GLI2: variants seen among roughly 807,000 people sequenced by gnomAD.
GLI2 encodes transcription activator GLI2.
GLI2 carries 22 observed loss-of-function variants against 78.9 expected under a neutral mutation model. The observed-to-expected ratio is 0.28, with a 90% CI of 0.20 to 0.40. The LOEUF (loss-of-function observed/expected upper bound fraction) is 0.40. GLI2 is among the 10% of genes least tolerant of loss of function. The probability of loss-of-function intolerance (pLI) is 1.00; values close to 1 mark genes in which losing one functional copy is unlikely to be tolerated. For synonymous variants in GLI2, 974 were observed against 963.7 expected, an observed-to-expected ratio of 1.01 and a Z score of -0.20; for missense variants, 2,097 against 2,213.2, an observed-to-expected ratio of 0.95 and a Z score of 1.05.
chr2:120,929,784 G>A (rs1679864361), intron 3 of GLI2, among the ~76,000 whole-genome samples: 1 of 152,208 alleles, frequency 6.6e-6, no homozygotes, highest in South Asian at 2.1e-4. Context: ...TGCCTGGTGG[G>A]TGTTGGAGTC....
At chr2:120,948,990 C>G (rs1680852591) in intron 3 of GLI2, among the ~76,000 whole-genome samples, 1 of 152,140 alleles carries the variant, frequency 6.6e-6, no homozygotes, top group South Asian at 2.1e-4. Context: ...CCTTCCAGAA[C>G]TTGTATCCTT....
At chr2:120,898,103 T>G (rs1678066744) in intron 2 of GLI2, among the ~76,000 whole-genome samples, 2 of 151,118 alleles carry the variant, frequency 1.3e-5, no homozygotes, top group African/African-American at 4.9e-5. Flanking sequence ...TTTTGTGGAG[T>G]GGTTTCCATC....
rs1682342011 is a variant in GLI2 at position 120,736,083 on chromosome 2, C to T, written c.-233C>T. 6.6e-6 allele frequency among the ~76,000 whole-genome samples: 1 copy of T among 150,694 alleles called. No homozygotes were observed. The highest frequency in any genetic ancestry group is 2.1e-4 in the South Asian group (1 of 4,754). ...GCAGCCTCGGGGAGCCGCCTGCTCG[C>T]CGGCGGTAGGGGCTGCGCGGCGCCC... On this transcript the variant is annotated 5_prime_UTR_variant, in exon 1 of 14. Coordinates refer to ENST00000361492, the MANE Select transcript of GLI2 (RefSeq NM_001374353.1).
In GLI2 at chr2:120,854,608, G is replaced by A. The variant is rs542990675; in HGVS notation, c.148+57140G>A. Among the ~76,000 whole-genome samples the A allele has an allele frequency of 9.8e-5, 15 of 152,308 alleles. No individual in the cohort carries two copies. The South Asian group carries it at 1.0e-3, about 11-fold the overall frequency. The stretch of plus-strand genomic sequence containing the variant: ...GTCACCCATTATATTTGGTCTCCAC[G>A]ATGTGTATGTTCTGAGGTTTTCTGC... On this transcript the variant is annotated intron_variant, in intron 2 of 13. Coordinates refer to ENST00000361492, the MANE Select transcript of GLI2 (RefSeq NM_001374353.1).
Position 120,989,822 on chromosome 2 carries a change from G to A in GLI2, c.3857G>A (p.Gly1286Glu). ...TTMGNRHREL[G>E]VPDSALAGVP... ...ATGGGCAATCGCCACAGGGAACTTG[G>A]GGTCCCCGATTCAGCCCTGGCTGGA... is the stretch of plus-strand genomic sequence containing the variant. The change falls in exon 14 of 14, where the codon GGG (glycine) becomes GAG (glutamate). Residue 1286 changes from glycine (G) to glutamate (E), a missense_variant. By Grantham distance (98) the Gly-to-Glu change is moderately conservative. This residue lies in a region of GLI2 where 1,290 missense variants were observed against 1,261.7 expected (regional missense o/e 1.02). Coordinates refer to ENST00000361492, the MANE Select transcript of GLI2 (RefSeq NM_001374353.1). 1 of 1,611,792 alleles carries A rather than the reference G, an allele frequency of 6.2e-7. No homozygotes were observed. Among genetic ancestry groups the A allele is most frequent in the Middle Eastern group, 1.6e-4 (1 of 6,062 alleles).
intron 3 of GLI2, among the ~76,000 whole-genome samples, chr2:120,951,006 G>C (rs1680954472): frequency 6.6e-6 from 1 of 152,252 alleles, no homozygotes; most frequent in Non-Finnish European, 1.5e-5. Context: ...GCGTGGAACT[G>C]GCCGGCGGGT....
At chr2:120,923,272 ATACAT>A (rs1679480676) in intron 2 of GLI2, among the ~76,000 whole-genome samples, 1 of 83,252 alleles carries the variant, frequency 1.2e-5, no homozygotes, top group Admixed American at 1.3e-4. Flanking sequence ...ACACAGCAAC[ATACAT>A]GTACAACACA....
In GLI2 at chr2:120,886,209, TGC is replaced by T. The variant is rs1233592952; in HGVS notation, c.149-41150_149-41149del. On this transcript the variant is annotated intron_variant, in intron 2 of 13. Transcript: ENST00000361492. ...GTGTGTGTGTGTGTGTGTGTGTGTG[TGC>T]GTGTATATTTTGGTTTTGGGTTTTT... 2.2e-3 allele frequency among the ~76,000 whole-genome samples: 73 copies of T among 32,636 alleles called. 2 individuals are homozygous for T. The African/African-American group carries it at 0.04, about 18-fold the overall frequency. The allele number at this position is 32,636 out of a possible 152,430, so 21.4% of individuals were successfully genotyped here.
At chr2:120,920,579 G>A (rs772133557) in intron 2 of GLI2, among the ~76,000 whole-genome samples, 2 of 152,286 alleles carry the variant, frequency 1.3e-5, no homozygotes, top group Admixed American at 6.5e-5. Flanking sequence ...CCCTGGGACC[G>A]CCAGCAAGAA....
At chr2:120,766,137 A>G (rs1683359235) in intron 1 of GLI2, among the ~76,000 whole-genome samples, 1 of 152,098 alleles carries the variant, frequency 6.6e-6, no homozygotes, top group Non-Finnish European at 1.5e-5. Context: ...TGGGGCTGGG[A>G]TGAGTTATCC....
At chr2:120,797,216 GGT>G in intron 1 of GLI2, 73 bp from the exon 2 acceptor site, 1 of 1,073,434 alleles carries the variant, frequency 9.3e-7, no homozygotes, top group Non-Finnish European at 1.5e-6. Flanking sequence ...AGCGAGCGGC[GGT>G]GTGAATCTGG....
intron 3 of GLI2, among the ~76,000 whole-genome samples, chr2:120,933,937 C>T (rs1022913034): frequency 2.6e-5 from 4 of 151,902 alleles, no homozygotes; most frequent in African/African-American, 4.8e-5. Context: ...CCCAGAAGGG[C>T]GTACAGAAAC....
intron 3 of GLI2, among the ~76,000 whole-genome samples, chr2:120,950,122 A>C (rs907996311): frequency 6.6e-6 from 1 of 152,124 alleles, no homozygotes; most frequent in Non-Finnish European, 1.5e-5. Context: ...TTTCATCCTC[A>C]CGACAACCCT....
intron 1 of GLI2, among the ~76,000 whole-genome samples, chr2:120,760,250 C>T (rs1017465685): frequency 3.9e-5 from 6 of 152,168 alleles, no homozygotes; most frequent in African/African-American, 7.2e-5. Flanking sequence ...TACAACTTCT[C>T]GGAGGCTCTC....
intron 1 of GLI2, among the ~76,000 whole-genome samples, chr2:120,760,305 G>T (rs1455276788): frequency 6.6e-6 from 1 of 152,182 alleles, no homozygotes; most frequent in East Asian, 1.9e-4. Context: ...CCAGGCCAGT[G>T]GAGTGGTCTT....
intron 2 of GLI2, among the ~76,000 whole-genome samples, chr2:120,919,499 G>C (rs1178001102): frequency 6.6e-6 from 1 of 152,262 alleles, no homozygotes; most frequent in Non-Finnish European, 1.5e-5. Flanking sequence ...AGGCTGGGAA[G>C]GTGCATGTGG....
intron 2 of GLI2, among the ~76,000 whole-genome samples, chr2:120,819,400 T>C (rs1685658326): frequency 6.6e-6 from 1 of 151,876 alleles, no homozygotes; most frequent in Admixed American, 6.6e-5. Flanking sequence ...CCACCATGCC[T>C]GGCTATTTTT....
intron 1 of GLI2, among the ~76,000 whole-genome samples, chr2:120,738,521 T>A (rs530077766): frequency 1.3e-3 from 195 of 152,334 alleles, no homozygotes; most frequent in African/African-American, 4.3e-3. Flanking sequence ...TTTTAGGGGA[T>A]TTAAGCTAAT....
chr2:120,967,851 G>A (rs566847025), intron 5 of GLI2, among the ~76,000 whole-genome samples: 7 of 152,356 alleles, frequency 4.6e-5, no homozygotes, highest in East Asian at 1.9e-4. Flanking sequence ...GATGCCTCTC[G>A]CTGCCATGTC....
Sources: gnomAD v4.1 joint callset for allele counts (sites outside exome capture counted in the v4.1 genomes callset) on GRCh38, gnomAD v4.1.1 for gene constraint, gnomAD v4.1.1 regional missense constraint, MANE v1.5 for transcripts, NCBI Gene and HGNC (gene_info 2026-07-23, HGNC 2026-07-21) for gene names.